WDR89: variants seen among roughly 807,000 people sequenced by gnomAD.
WDR89 encodes the protein WD repeat-containing protein 89.
In WDR89, 17 loss-of-function variants were observed where a neutral mutation model predicts 29.1. That is an observed-to-expected ratio of 0.58 (90% CI 0.40 to 0.88). The LOEUF (loss-of-function observed/expected upper bound fraction) is 0.88, where lower values mean the gene tolerates loss of function less well. Ranked by LOEUF, WDR89 falls within the 40% of genes least tolerant of loss-of-function variation. WDR89 has a pLI of 0.00. For synonymous variants in WDR89, 138 were observed against 157.8 expected, an observed-to-expected ratio of 0.87 and a Z score of 0.94; for missense variants, 396 against 456.3, an observed-to-expected ratio of 0.87 and a Z score of 1.20.
intron 1 of WDR89, among the ~76,000 whole-genome samples, chr14:63,625,957 G>A (rs926321914): frequency 6.6e-6 from 1 of 151,472 alleles, no homozygotes; most frequent in African/African-American, 2.4e-5. Flanking sequence ...GGGTTCAAGC[G>A]ATTCTCCTTC....
chr14:63,600,874 T>C (rs193195376), intron 2 of WDR89, among the ~76,000 whole-genome samples: 1 of 152,196 alleles, frequency 6.6e-6, no homozygotes, highest in Admixed American at 6.5e-5. Flanking sequence ...AAGGCTAACC[T>C]TAAAATAGGG....
intron 1 of WDR89, chr14:63,641,551 A>G (rs975237927): frequency 6.6e-6 from 1 of 152,400 alleles, no homozygotes; most frequent in Non-Finnish European, 1.5e-5. Flanking sequence ...AGTACTGGGA[A>G]CTGCACCGGC....
rs57478091 is a variant in WDR89 at position 63,641,097 on chromosome 14, CAA to C, written c.-138+705_-138+706del. Among the ~76,000 whole-genome samples the C allele has an allele frequency of 8.7e-3, 557 of 64,170 alleles. 5 individuals are homozygous for C. The highest frequency in any genetic ancestry group is 0.023 in the African/African-American group (512 of 22,286). 42.1% of individuals were successfully genotyped at this position (64,170 alleles called of 152,430 possible). Reference sequence around the variant, plus strand: ...TGCGCGACAGCCTGAGACTCCATCTCAAAAAAAAAAAAAAAAAAGAAAAAGAA... The same window carrying C: ...TGCGCGACAGCCTGAGACTCCATCTCAAAAAAAAAAAAAAAAGAAAAAGAA... On this transcript the variant is annotated intron_variant, in intron 1 of 2. Transcript: ENST00000620954.
chr14:63,626,676 C>CAAAAA lies in WDR89; in HGVS notation c.-137-1648_-137-1644dup, dbSNP rs35582220. Among the ~76,000 whole-genome samples, 62 of 34,568 alleles carry CAAAAA rather than the reference C, an allele frequency of 1.8e-3. 10 individuals are homozygous for CAAAAA. The highest frequency in any genetic ancestry group is 2.9e-3 in the East Asian group (2 of 682). 22.7% of individuals were successfully genotyped at this position (34,568 alleles called of 152,430 possible). A position where few individuals can be genotyped will look rare whatever the true frequency, so the allele number is the denominator to read the frequency against. On this transcript the variant is annotated intron_variant, in intron 1 of 2. Coordinates refer to ENST00000620954, the MANE Select transcript of WDR89 (RefSeq NM_080666.4). ...CCTGGGCTACAGAGTGAGACTGTCT[C>CAAAAA]AAAAAAAAAAAAAAAAAAAAAAAAA...
At chr14:63,610,241 A>C (rs1238580268) in intron 2 of WDR89, among the ~76,000 whole-genome samples, 4 of 151,328 alleles carry the variant, frequency 2.6e-5, no homozygotes, top group Non-Finnish European at 4.4e-5. Context: ...AAAAAAAAAA[A>C]AAACTCTTGG....
intron 2 of WDR89, among the ~76,000 whole-genome samples, chr14:63,605,237 C>T (rs1263990478): frequency 6.7e-6 from 1 of 149,732 alleles, no homozygotes; most frequent in African/African-American, 2.4e-5. Flanking sequence ...CACACACACA[C>T]ACACACGAGC....
intron 2 of WDR89, among the ~76,000 whole-genome samples, chr14:63,607,203 C>T (rs1895360015): frequency 6.6e-6 from 1 of 152,134 alleles, no homozygotes; most frequent in East Asian, 1.9e-4. Context: ...TGCTCTGTTG[C>T]CCAGGCTGGA....
chr14:63,625,915 G>A (rs926059825), intron 1 of WDR89, among the ~76,000 whole-genome samples: 4 of 150,846 alleles, frequency 2.7e-5, no homozygotes, highest in East Asian at 1.9e-4. Flanking sequence ...GAGCAGCAGC[G>A]TGATCTCAGC....
intron 2 of WDR89, among the ~76,000 whole-genome samples, chr14:63,616,309 G>C (rs903408939): frequency 2.5e-4 from 38 of 152,118 alleles, no homozygotes; most frequent in Non-Finnish European, 2.6e-4. Flanking sequence ...GAAAGGTTAT[G>C]ACATGACAGG....
At chr14:63,632,628 G>A (rs1050322372) in intron 1 of WDR89, among the ~76,000 whole-genome samples, 5 of 148,818 alleles carry the variant, frequency 3.4e-5, no homozygotes, top group African/African-American at 1.3e-4. Context: ...GCAAGACTCC[G>A]TCTCAAACAA....
At chr14:63,628,327 ACCAAAGAAATGCTGTAATTTT>A (rs1302921075) in intron 1 of WDR89, among the ~76,000 whole-genome samples, 2 of 152,238 alleles carry the variant, frequency 1.3e-5, no homozygotes, top group African/African-American at 2.4e-5. Flanking sequence ...ATTTTCGCTG[ACCAAAGAAATGCTGTAATTTT>A]GTTCTAACAG....
chr14:63,626,066 A>C (rs140787365), intron 1 of WDR89, among the ~76,000 whole-genome samples: 118 of 152,096 alleles, frequency 7.8e-4, no homozygotes, highest in Non-Finnish European at 9.3e-4. Context: ...GTTGGCCAGG[A>C]TGGTCTCAAT....
chr14:63,601,322 G>C (rs1159578342), intron 2 of WDR89, among the ~76,000 whole-genome samples: 1 of 151,560 alleles, frequency 6.6e-6, no homozygotes, highest in Non-Finnish European at 1.5e-5. Flanking sequence ...TAGTAGAACT[G>C]GGATTTGAAC....
intron 1 of WDR89, among the ~76,000 whole-genome samples, chr14:63,639,301 C>T (rs1883940275): frequency 6.8e-6 from 1 of 146,496 alleles, no homozygotes; most frequent in East Asian, 2.0e-4. Context: ...GGGAGGACTG[C>T]TTGAGCCCAG....
intron 1 of WDR89, among the ~76,000 whole-genome samples, chr14:63,635,011 C>T (rs77798666): frequency 6.8e-6 from 1 of 147,918 alleles, no homozygotes; most frequent in Non-Finnish European, 1.5e-5. Context: ...CACTCTGTCT[C>T]CAAAAAAAAA....
intron 2 of WDR89, among the ~76,000 whole-genome samples, chr14:63,605,320 G>A (rs902719871): frequency 6.6e-6 from 1 of 151,768 alleles, no homozygotes; most frequent in Non-Finnish European, 1.5e-5. Context: ...TGTCTGTGGT[G>A]ATGCGTGTAT....
intron 1 of WDR89, among the ~76,000 whole-genome samples, chr14:63,635,757 A>G (rs1883694066): frequency 6.6e-6 from 1 of 152,242 alleles, no homozygotes; most frequent in Non-Finnish European, 1.5e-5. Context: ...AGCTCCTAGA[A>G]CTGATAAAAG....
intron 2 of WDR89, among the ~76,000 whole-genome samples, chr14:63,605,895 T>C (rs1895300049): frequency 6.6e-6 from 1 of 152,188 alleles, no homozygotes; most frequent in Non-Finnish European, 1.5e-5. Context: ...GACAACTCCA[T>C]GTGTTATTGC....
intron 2 of WDR89, 93 bp from the exon 3 acceptor site, chr14:63,600,066 T>C (rs897571511): frequency 2.1e-5 from 15 of 709,530 alleles, no homozygotes; most frequent in Non-Finnish European, 3.1e-5. Context: ...AAAATTGCAA[T>C]TAAATCAAGA....
Sources: gnomAD v4.1 joint callset for allele counts (sites outside exome capture counted in the v4.1 genomes callset) on GRCh38, gnomAD v4.1.1 for gene constraint, MANE v1.5 for transcripts, NCBI Gene and HGNC (gene_info 2026-07-23, HGNC 2026-07-21) for gene names.